TRAK1: variants seen among roughly 807,000 people sequenced by gnomAD.
TRAK1 encodes trafficking kinesin-binding protein 1.
TRAK1 carries 33 observed loss-of-function variants against 92.1 expected under a neutral mutation model. That is an observed-to-expected ratio of 0.36 (90% CI 0.27 to 0.48). The LOEUF is 0.48. Among genes scored for constraint, TRAK1 ranks in the 20% least tolerant of loss-of-function variants. The pLI is 0.99. For synonymous variants in TRAK1, 521 were observed against 517.3 expected (o/e 1.01, Z -0.10); for missense variants, 1,123 against 1,257.9 (o/e 0.89, Z 1.62).
upstream of TRAK1, among the ~76,000 whole-genome samples, chr3:42,086,139 C>G (rs946908346): frequency 6.6e-6 from 1 of 152,166 alleles, no homozygotes; most frequent in African/African-American, 2.4e-5. Context: ...GGCAGCGGCA[C>G]TCCTGAAATG....
At chr3:42,138,596 A>G (rs1393134889) in intron 2 of TRAK1, among the ~76,000 whole-genome samples, 2 of 152,098 alleles carry the variant, frequency 1.3e-5, no homozygotes, top group Non-Finnish European at 2.9e-5. Context: ...AAACAAAAAT[A>G]GAGACACTGG....
At chr3:42,125,904 G>T (rs1710496979) in intron 2 of TRAK1, among the ~76,000 whole-genome samples, 1 of 152,212 alleles carries the variant, frequency 6.6e-6, no homozygotes, top group African/African-American at 2.4e-5. Flanking sequence ...AGGCTGGAGT[G>T]CAATGGTGTG....
At chr3:42,082,510 G>T (rs1704485586), upstream of TRAK1, among the ~76,000 whole-genome samples, 1 of 152,070 alleles carries the variant, frequency 6.6e-6, no homozygotes, top group African/African-American at 2.4e-5. Context: ...AGGCAGAATT[G>T]CTTGAACCTA....
intron 2 of TRAK1, among the ~76,000 whole-genome samples, chr3:42,165,813 C>T (rs2149320830): frequency 6.6e-6 from 1 of 152,146 alleles, no homozygotes; most frequent in South Asian, 2.1e-4. Flanking sequence ...GGGATTTGGT[C>T]CTCAGTATCC....
chr3:42,218,731 C>A, intron 14 of TRAK1: 1 of 985,360 alleles, frequency 1.0e-6, no homozygotes, highest in Non-Finnish European at 1.2e-6. Context: ...AAATTGAGAA[C>A]AACTTGTTGC....
chr3:42,088,853 AG>A, upstream of TRAK1, among the ~76,000 whole-genome samples: 1 of 152,170 alleles, frequency 6.6e-6, no homozygotes, highest in East Asian at 1.9e-4. Flanking sequence ...GGAACGTTGA[AG>A]GGCCCGGGGC....
At chr3:42,040,869 G>C (rs1397175584) in intron 1 of TRAK1, among the ~76,000 whole-genome samples, 1 of 152,004 alleles carries the variant, frequency 6.6e-6, no homozygotes, top group African/African-American at 2.4e-5. Flanking sequence ...AGTAGAGACG[G>C]GGTTTCACCA....
intron 1 of TRAK1, among the ~76,000 whole-genome samples, chr3:42,022,891 G>T (rs546994300): frequency 6.6e-6 from 1 of 151,890 alleles, no homozygotes; most frequent in Admixed American, 6.6e-5. Context: ...AGGCGCAGTG[G>T]CTCACACCTG....
At chr3:42,046,855 G>T (rs756098765) in intron 1 of TRAK1, among the ~76,000 whole-genome samples, 1 of 151,974 alleles carries the variant, frequency 6.6e-6, no homozygotes, top group Non-Finnish European at 1.5e-5. Context: ...CAATATGTGC[G>T]TGCTTTTTGG....
chr3:42,161,732 AAGAAACTGGG>A (rs1277789510), intron 2 of TRAK1, among the ~76,000 whole-genome samples: 4 of 152,232 alleles, frequency 2.6e-5, no homozygotes, highest in African/African-American at 7.2e-5. Flanking sequence ...GCAGGAAGGG[AAGAAACTGGG>A]AGAAGCCAGG....
upstream of TRAK1, among the ~76,000 whole-genome samples, chr3:42,013,464 G>A (rs2148870322): frequency 6.6e-6 from 1 of 152,168 alleles, no homozygotes; most frequent in African/African-American, 2.4e-5. The surrounding 1 kb of genome is among the most constrained non-coding windows in gnomAD (Gnocchi z 5.1). Context: ...TAAAAGTGCA[G>A]GGGCAGCCGC....
intron 4 of TRAK1, among the ~76,000 whole-genome samples, chr3:42,187,014 G>A (rs1179465300): frequency 1.3e-5 from 2 of 152,180 alleles, no homozygotes; most frequent in African/African-American, 2.4e-5. Context: ...GTACTGCAGA[G>A]TGAAAGGGCA....
At chr3:42,095,712 A>ATCATCGTCATCG (rs148593287) in intron 1 of TRAK1, among the ~76,000 whole-genome samples, 5 of 150,924 alleles carry the variant, frequency 3.3e-5, no homozygotes, top group Admixed American at 3.3e-4. Flanking sequence ...GTTTGGCTTT[A>ATCATCGTCATCG]TCATCGTCAT....
Position 42,193,248 on chromosome 3 carries a change from G to A in TRAK1, c.900+43G>A, listed in dbSNP as rs2290137. The A allele has an allele frequency of 0.25, 405,322 of 1,605,980 alleles. 53,981 individuals carry two copies. The highest frequency in any genetic ancestry group is 0.44 in the East Asian group (19,815 of 44,650). ...ATCTGGCTGATACAACAATGGCCATGCTGAGACGGGGAAGGGACATTTACT... is the reference window on the plus strand; with the variant it reads ...ATCTGGCTGATACAACAATGGCCATACTGAGACGGGGAAGGGACATTTACT... On this transcript the variant is annotated intron_variant, in intron 8 of 15. Coordinates refer to ENST00000327628, the MANE Select transcript of TRAK1 (RefSeq NM_001042646.3).
chr3:42,118,143 C>T (rs1321197040), intron 1 of TRAK1, among the ~76,000 whole-genome samples: 1 of 151,912 alleles, frequency 6.6e-6, no homozygotes, highest in Admixed American at 6.6e-5. Context: ...GAGTGCAGTG[C>T]TGCGATCTTG....
At chr3:42,043,743 G>A (rs1702646785) in intron 1 of TRAK1, among the ~76,000 whole-genome samples, 1 of 151,898 alleles carries the variant, frequency 6.6e-6, no homozygotes, top group African/African-American at 2.4e-5. Flanking sequence ...TTCTCCCAGT[G>A]GCCTGTTAGG....
At chr3:42,149,312 T>C in intron 2 of TRAK1, 2 of 1,417,746 alleles carry the variant, frequency 1.4e-6, no homozygotes, top group Middle Eastern at 2.6e-4. Flanking sequence ...ATTGCCTTCC[T>C]TTCTGCTCCT....
Position 42,194,836 on chromosome 3 carries a change from C to T in TRAK1, c.1008C>T (p.Cys336=). 1 of 1,613,860 alleles carries T rather than the reference C, an allele frequency of 6.2e-7. No individual in the cohort carries two copies. The highest frequency in any genetic ancestry group is 2.2e-5 in the East Asian group (1 of 44,868). ...AGCTGGAGGACAAGTACGCAGAGTGCATGGAGATGCTGCATGAGGCGCAGG... is the reference window on the plus strand; with the variant it reads ...AGCTGGAGGACAAGTACGCAGAGTGTATGGAGATGCTGCATGAGGCGCAGG... ...LRELEDKYAE[C]MEMLHEAQEE... Residue 336 remains cysteine (C), a synonymous_variant, in exon 10 of 16, where the codon TGC becomes TGT. Transcript: ENST00000327628.
intron 2 of TRAK1, among the ~76,000 whole-genome samples, chr3:42,129,229 T>A (rs1696874210): frequency 6.6e-6 from 1 of 152,064 alleles, no homozygotes; most frequent in Non-Finnish European, 1.5e-5. Context: ...CTCACCAGTA[T>A]GTTGTATCAG....
Sources: gnomAD v4.1 joint callset for allele counts (sites outside exome capture counted in the v4.1 genomes callset) on GRCh38, gnomAD v4.1.1 for gene constraint, Gnocchi (gnomAD v3.1) non-coding constraint, MANE v1.5 for transcripts, NCBI Gene and HGNC (gene_info 2026-07-23, HGNC 2026-07-21) for gene names.